The following ACAD8 variants were observed in gnomAD, a reference collection of about 807,000 sequenced individuals.
ACAD8 encodes the protein isobutyryl-CoA dehydrogenase, mitochondrial.
ACAD8 carries 47 observed loss-of-function variants against 53.1 expected under a neutral mutation model. The observed-to-expected ratio is 0.89, with a 90% confidence interval of 0.70 to 1.13. The LOEUF (loss-of-function observed/expected upper bound fraction) is 1.13. ACAD8 is among the 50% of genes most tolerant of loss of function. The probability of loss-of-function intolerance (pLI) is 0.00; values close to 1 mark genes in which losing one functional copy is unlikely to be tolerated. For missense variants in ACAD8, 494 were observed against 535.0 expected, an observed-to-expected ratio of 0.92 and a Z score of 0.76; for synonymous variants, 198 against 201.3, an observed-to-expected ratio of 0.98 and a Z score of 0.14.
intron 1 of ACAD8, among the ~76,000 whole-genome samples, chr11:134,256,063 C>A (rs534646114): frequency 1.3e-5 from 2 of 152,224 alleles, no homozygotes; most frequent in African/African-American, 4.8e-5. Context: ...TGCGCCACCA[C>A]ACCCAGCTAA....
intron 1 of ACAD8, among the ~76,000 whole-genome samples, chr11:134,255,251 C>T (rs1315382268): frequency 6.6e-6 from 1 of 152,170 alleles, no homozygotes. Flanking sequence ...ATTCTTGTGC[C>T]TCAGCCTCCC....
chr11:134,262,857 C>G (rs1388475427), intron 10 of ACAD8: 7 of 1,409,968 alleles, frequency 5.0e-6, no homozygotes, highest in East Asian at 3.4e-5. Flanking sequence ...CCCTTTTCCT[C>G]TGGAGATCTG....
intron 9 of ACAD8, 131 bp downstream of exon 9, chr11:134,262,021 A>G (rs990543310): frequency 3.5e-6 from 4 of 1,158,232 alleles, no homozygotes; most frequent in African/African-American, 1.5e-5. Context: ...AAGCTTAAGG[A>G]TATAAATGAA....
intron 1 of ACAD8, among the ~76,000 whole-genome samples, chr11:134,255,479 A>G (rs1939473836): frequency 1.3e-5 from 2 of 152,174 alleles, no homozygotes; most frequent in Admixed American, 1.3e-4. Context: ...TACCTAGTAA[A>G]CACCCAATAA....
chr11:134,257,973 C>T (rs1009770017), intron 3 of ACAD8: 8 of 185,334 alleles, frequency 4.3e-5, no homozygotes, highest in African/African-American at 7.2e-5. Flanking sequence ...CCTCAGCCTC[C>T]TGAGTAGCTG....
rs762294883 is a variant in ACAD8, at chr11:134,257,077, T to G, written c.211-11T>G. On this transcript the variant is annotated splice_polypyrimidine_tract_variant and intron_variant, in intron 2 of 10. Transcript: ENST00000281182. ...TCAGCTGCTGATCACCCTGCTCTCTTTTGTACATAGGAGCTGTTCCCAGTG... is the reference window on the plus strand; with the variant it reads ...TCAGCTGCTGATCACCCTGCTCTCTGTTGTACATAGGAGCTGTTCCCAGTG... 3 of 1,613,962 alleles carry G rather than the reference T, an allele frequency of 1.9e-6. No homozygotes were observed. The highest frequency in any genetic ancestry group is 1.7e-6 in the Non-Finnish European group (2 of 1,180,006).
At chr11:134,260,736 G>C (rs1229512936) in intron 6 of ACAD8, 1 of 431,162 alleles carries the variant, frequency 2.3e-6, no homozygotes, top group Non-Finnish European at 4.3e-6. Flanking sequence ...TTCAATTAGA[G>C]GCACTGAAAT....
At chr11:134,257,696 G>A (rs1266542689) in intron 3 of ACAD8, 2 of 283,616 alleles carry the variant, frequency 7.1e-6, no homozygotes, top group East Asian at 9.1e-5. Flanking sequence ...AATAAAATAA[G>A]TACACGCTAG....
intron 10 of ACAD8, 148 bp downstream of exon 10, chr11:134,262,770 A>G (rs1210268673): frequency 6.7e-7 from 1 of 1,501,800 alleles, no homozygotes; most frequent in Non-Finnish European, 8.9e-7. Context: ...CGTTCCGCAG[A>G]GCTGTTCTGG....
chr11:134,262,091 TATACACTTC>T lies in ACAD8; in HGVS notation c.1092+204_1092+212del, dbSNP rs1479909103. Reference sequence around the variant, plus strand: ...GGCTTTTAGGCCTGCTGCATGCCATTATACACTTCATTATGTCACTGTTGTTTGGTTGTG... The same window carrying T: ...GGCTTTTAGGCCTGCTGCATGCCATTATTATGTCACTGTTGTTTGGTTGTG... On this transcript the variant is annotated intron_variant, in intron 9 of 10. Transcript: ENST00000281182. 3 of 701,292 alleles carry T rather than the reference TATACACTTC, an allele frequency of 4.3e-6. No individual in the cohort carries two copies. The African/African-American group carries it at 5.3e-5, about 12-fold the overall frequency. 43.4% of individuals were successfully genotyped at this position (701,292 alleles called of 1,614,324 possible).
intron 4 of ACAD8, 109 bp downstream of exon 4, chr11:134,258,733 C>T (rs544414693): frequency 1.1e-6 from 1 of 881,212 alleles, no homozygotes; most frequent in African/African-American, 1.7e-5. Flanking sequence ...CACTGTTTAT[C>T]TAGCTGTTTG....
intron 10 of ACAD8, chr11:134,263,802 C>T (rs764054275): frequency 1.5e-4 from 147 of 985,454 alleles, no homozygotes; most frequent in Non-Finnish European, 1.7e-4. Context: ...AATTGGGGCA[C>T]TCATCACTGT....
chr11:134,253,779 G>A, intron 1 of ACAD8, 70 bp downstream of exon 1: 3 of 1,434,258 alleles, frequency 2.1e-6, no homozygotes, highest in Non-Finnish European at 2.9e-6. Flanking sequence ...GCGAGGGGCT[G>A]CAGTCTCCCC....
Position 134,262,582 on chromosome 11 carries a change from G to T in ACAD8, c.1155G>T (p.Gln385His). 1 of 1,614,082 alleles carries T rather than the reference G, an allele frequency of 6.2e-7. No homozygotes were observed. The highest frequency in any genetic ancestry group is 8.5e-7 in the Non-Finnish European group (1 of 1,179,994). The change falls in exon 10 of 11, where the codon CAG (glutamine) becomes CAT (histidine). Residue 385 changes from glutamine to histidine, a missense_variant. Gln to His is a conservative substitution (Grantham distance 24). Transcript: ENST00000281182. ...GYGYLKDYAV[Q>H]QYVRDSRVHQ... is the part of the protein sequence containing the mutation. ...GCTACCTGAAGGATTACGCTGTTCA[G>T]CAGTACGTGCGGGACTCCAGGGTCC...
At chr11:134,257,387 C>T (rs1406822756) in intron 3 of ACAD8, 130 bp downstream of exon 3, 1 of 1,216,712 alleles carries the variant, frequency 8.2e-7, no homozygotes, top group Non-Finnish European at 1.2e-6. Flanking sequence ...AAAGTACACT[C>T]TAGGGGCCGG....
Position 134,262,585 on chromosome 11 carries a change from G to T in ACAD8, c.1158G>T (p.Gln386His), listed in dbSNP as rs1425983271. The T allele has an allele frequency of 6.2e-7, 1 of 1,613,984 alleles. No homozygotes were observed. The highest frequency in any genetic ancestry group is 8.5e-7 in the Non-Finnish European group (1 of 1,180,002). ...ACCTGAAGGATTACGCTGTTCAGCAGTACGTGCGGGACTCCAGGGTCCACC... is the reference window on the plus strand; with the variant it reads ...ACCTGAAGGATTACGCTGTTCAGCATTACGTGCGGGACTCCAGGGTCCACC... ...YGYLKDYAVQ[Q>H]YVRDSRVHQI... The change falls in exon 10 of 11, where the codon CAG becomes CAT. Residue 386 changes from glutamine to histidine, a missense_variant. By Grantham distance (24) the Gln-to-His change is conservative. Coordinates refer to ENST00000281182, the MANE Select transcript of ACAD8 (RefSeq NM_014384.3).
chr11:134,262,243 G>A (rs1222381600), intron 9 of ACAD8: 8 of 650,660 alleles, frequency 1.2e-5, no homozygotes, highest in Non-Finnish European at 2.3e-5. Context: ...TATCATCCCA[G>A]CCAGGGTGGC....
intron 6 of ACAD8, chr11:134,260,625 T>C (rs1039777712): frequency 6.5e-6 from 2 of 305,506 alleles, no homozygotes; most frequent in Non-Finnish European, 1.3e-5. Context: ...GGCTTAGAAA[T>C]GGAGTTTATC....
intron 1 of ACAD8, among the ~76,000 whole-genome samples, chr11:134,256,108 T>C (rs1277813141): frequency 1.3e-5 from 2 of 152,210 alleles, no homozygotes; most frequent in African/African-American, 2.4e-5. Flanking sequence ...GGTTTTTCCA[T>C]GTTGGTCAGG....
Sources: allele counts gnomAD v4.1 joint callset (sites outside exome capture counted in the v4.1 genomes callset), GRCh38; gene constraint gnomAD v4.1.1; transcripts MANE v1.5; gene names NCBI Gene and HGNC (gene_info 2026-07-23, HGNC 2026-07-21).